CCDC38: variants seen among roughly 807,000 people sequenced by gnomAD.
CCDC38 encodes coiled-coil domain-containing protein 38.
In CCDC38, 69 loss-of-function variants were observed where a neutral mutation model predicts 72.8. The ratio of observed to expected loss-of-function variants is 0.95; its 90% confidence interval spans 0.78 to 1.16. The LOEUF (loss-of-function observed/expected upper bound fraction) is 1.16. Among genes scored for constraint, CCDC38 ranks in the 50% most tolerant of loss-of-function variants. CCDC38 has a pLI of 0.00. For missense variants in CCDC38, 626 were observed against 638.9 expected (o/e 0.98, Z 0.22); for synonymous variants, 201 against 213.2 (o/e 0.94, Z 0.50).
intron 2 of CCDC38, among the ~76,000 whole-genome samples, chr12:95,922,515 C>G (rs1338608752): frequency 6.6e-6 from 1 of 152,152 alleles, no homozygotes; most frequent in Non-Finnish European, 1.5e-5. Flanking sequence ...AATTTCATGG[C>G]TGACAGTGCA....
At chr12:95,940,753 G>A (rs1214048940) in intron 1 of CCDC38, among the ~76,000 whole-genome samples, 2 of 152,172 alleles carry the variant, frequency 1.3e-5, no homozygotes. Context: ...GACTAGGTCA[G>A]AGCACAGCAC....
At chr12:95,919,470 G>C in intron 2 of CCDC38, 1 of 452,040 alleles carries the variant, frequency 2.2e-6, no homozygotes, top group South Asian at 1.6e-5. Flanking sequence ...CGTTCACAAG[G>C]ACTCAAATAT....
intron 1 of CCDC38, among the ~76,000 whole-genome samples, chr12:95,941,985 C>T (rs1012563951): frequency 4.6e-5 from 7 of 151,370 alleles, no homozygotes; most frequent in African/African-American, 1.2e-4. Flanking sequence ...TCTTATTTAT[C>T]GTGGTCATCT....
At chr12:95,893,698 C>T (rs948374619) in intron 8 of CCDC38, among the ~76,000 whole-genome samples, 3 of 151,766 alleles carry the variant, frequency 2.0e-5, no homozygotes, top group Non-Finnish European at 4.4e-5. Flanking sequence ...CCAGGCTGGT[C>T]CCAAACTCCT....
At chr12:95,915,100 T>C (rs2080131250) in intron 4 of CCDC38, among the ~76,000 whole-genome samples, 1 of 152,210 alleles carries the variant, frequency 6.6e-6, no homozygotes, top group Non-Finnish European at 1.5e-5. Flanking sequence ...AGAGCCATAT[T>C]CACCATTTCA....
intron 5 of CCDC38, among the ~76,000 whole-genome samples, chr12:95,904,883 C>T (rs937819436): frequency 3.3e-5 from 5 of 152,248 alleles, no homozygotes; most frequent in Admixed American, 6.5e-5. Flanking sequence ...GATTACCACC[C>T]GGAAGTCAAG....
intron 2 of CCDC38, among the ~76,000 whole-genome samples, chr12:95,923,412 G>A (rs929920897): frequency 2.0e-5 from 3 of 152,008 alleles, no homozygotes; most frequent in African/African-American, 7.3e-5. Flanking sequence ...ATCCCAATAT[G>A]GAGCCACTGT....
At chr12:95,914,720 T>C (rs1484972677) in intron 4 of CCDC38, among the ~76,000 whole-genome samples, 1 of 152,156 alleles carries the variant, frequency 6.6e-6, no homozygotes, top group Non-Finnish European at 1.5e-5. Context: ...TCTAAATATT[T>C]TATGGTAAGG....
chr12:95,890,754 G>T (rs2079815618), intron 9 of CCDC38, 78 bp downstream of exon 9: 5 of 828,038 alleles, frequency 6.0e-6, no homozygotes, highest in Non-Finnish European at 9.8e-6. Flanking sequence ...TTCCAGGTTG[G>T]CTTGTAGTCC....
At chr12:95,928,371 C>G (rs1308759774) in intron 2 of CCDC38, among the ~76,000 whole-genome samples, 3 of 152,214 alleles carry the variant, frequency 2.0e-5, no homozygotes, top group African/African-American at 7.2e-5. Flanking sequence ...AGTTCTTGAG[C>G]CTTGGTTTTC....
chr12:95,900,808 T>C (rs955710615), intron 5 of CCDC38, among the ~76,000 whole-genome samples: 4 of 152,206 alleles, frequency 2.6e-5, no homozygotes, highest in East Asian at 1.9e-4. Context: ...TAAATAAATA[T>C]CTTTTAAAAA....
At chr12:95,897,307 T>C (rs1012204776) in intron 7 of CCDC38, among the ~76,000 whole-genome samples, 2 of 152,134 alleles carry the variant, frequency 1.3e-5, no homozygotes. Flanking sequence ...GAAGCTTCTT[T>C]AGCTACTTAA....
At chr12:95,890,527 G>C (rs1164514267) in intron 9 of CCDC38, among the ~76,000 whole-genome samples, 1 of 152,262 alleles carries the variant, frequency 6.6e-6, no homozygotes, top group Non-Finnish European at 1.5e-5. Context: ...GCCAACGGCA[G>C]AAGGCAGGTC....
chr12:95,918,734 C>T (rs1404595267), intron 3 of CCDC38, 142 bp downstream of exon 3: 2 of 605,636 alleles, frequency 3.3e-6, no homozygotes, highest in South Asian at 4.0e-5. Context: ...TGTGTTCACA[C>T]TGTCTCCCCA....
intron 2 of CCDC38, 108 bp downstream of exon 2, chr12:95,936,365 C>T: frequency 1.0e-6 from 1 of 978,806 alleles, no homozygotes; most frequent in Non-Finnish European, 1.5e-6. Flanking sequence ...AAACTCATTA[C>T]ATTTTATATT....
At position 95,879,862 on chromosome 12, in the gene CCDC38, C is replaced by G. The variant is rs1565943882; in HGVS notation, c.991-67G>C. 8.2e-7 allele frequency: 1 copy of G among 1,221,060 alleles called. No homozygotes were observed. Among genetic ancestry groups the G allele is most frequent in the African/African-American group, 1.5e-5 (1 of 66,040 alleles). The allele number at this position is 1,221,060 out of a possible 1,614,324, so 75.6% of individuals were successfully genotyped here. ...TGCTACCTATGCACATGTGACTTAT[C>G]TAGAAAATACAGTGGGGTAAAGGAA... On this transcript the variant is annotated intron_variant, in intron 11 of 15. Transcript: ENST00000344280. This position sits in a 1 kb window ranked among gnomAD's most constrained non-coding sequence, Gnocchi z 5.5.
chr12:95,897,806 G>C (rs2121475514), intron 7 of CCDC38, among the ~76,000 whole-genome samples: 1 of 151,922 alleles, frequency 6.6e-6, no homozygotes, highest in African/African-American at 2.4e-5. Flanking sequence ...GTGTTGCTAA[G>C]ACTTCACTTG....
At chr12:95,911,234 A>G (rs2080091158) in intron 4 of CCDC38, among the ~76,000 whole-genome samples, 2 of 152,218 alleles carry the variant, frequency 1.3e-5, no homozygotes, top group African/African-American at 4.8e-5. Flanking sequence ...TACAAAAATT[A>G]ACTCAAGAGG....
At position 95,936,429 on chromosome 12, in the gene CCDC38, A is replaced by T. The variant is rs1351436984; in HGVS notation, c.37+44T>A. 1.9e-6 allele frequency: 3 copies of T among 1,588,608 alleles called. No individual in the cohort carries two copies. In the African/African-American group the frequency reaches 4.0e-5, roughly 21 times the overall value. On this transcript the variant is annotated intron_variant, in intron 2 of 15. Transcript: ENST00000344280. ...CTCACAATCTGTTATGGAGCCTAAC[A>T]CTGCCAGGCCCAAACAAGAATATAT...
Sources: allele counts gnomAD v4.1 joint callset (sites outside exome capture counted in the v4.1 genomes callset), GRCh38; gene constraint gnomAD v4.1.1; non-coding constraint Gnocchi (gnomAD v3.1); transcripts MANE v1.5; gene names NCBI Gene and HGNC (gene_info 2026-07-23, HGNC 2026-07-21).